Variants in TXNDC16 observed in about 807,000 individuals in gnomAD.
TXNDC16 encodes thioredoxin domain-containing protein 16.
Under a neutral mutation model 85.6 loss-of-function variants are expected in TXNDC16, and 74 were observed. The ratio of observed to expected loss-of-function variants is 0.86; its 90% CI spans 0.72 to 1.05. TXNDC16 has a LOEUF of 1.05. TXNDC16 is among the 50% of genes least tolerant of loss of function. The probability of loss-of-function intolerance (pLI) is 0.00; values close to 1 mark genes in which losing one functional copy is unlikely to be tolerated. For missense variants in TXNDC16, 959 were observed against 947.0 expected (o/e 1.01, Z -0.17); for synonymous variants, 335 against 326.5 (o/e 1.03, Z -0.28).
intron 1 of TXNDC16, among the ~76,000 whole-genome samples, chr14:52,548,107 A>G (rs1322985009): frequency 1.3e-5 from 2 of 152,246 alleles, no homozygotes; most frequent in Non-Finnish European, 2.9e-5. Context: ...TGTCAGCCCA[A>G]GTCCCAGAAA....
At chr14:52,485,587 G>A (rs1307749500) in intron 12 of TXNDC16, among the ~76,000 whole-genome samples, 1 of 152,222 alleles carries the variant, frequency 6.6e-6, no homozygotes, top group Non-Finnish European at 1.5e-5. Flanking sequence ...CTATACAAGT[G>A]TACCATTTTT....
rs201413163 is a variant in TXNDC16 at position 52,484,026 on chromosome 14, CAG to C, written c.1109-1063_1109-1062del. Reference sequence around the variant, plus strand: ...GTGGCATGTAAGAGCATGGTGCAATCAGAAGTTCAAACACTGACTGGATATAC... The same window carrying C: ...GTGGCATGTAAGAGCATGGTGCAATCAAGTTCAAACACTGACTGGATATAC... On this transcript the variant is annotated intron_variant, in intron 12 of 20. Transcript: ENST00000281741. Among the ~76,000 whole-genome samples the C allele has an allele frequency of 7.4e-3, 1,126 of 152,202 alleles. 7 individuals carry two copies. Among genetic ancestry groups the C allele is most frequent in the Non-Finnish European group, 0.012 (804 of 68,016 alleles).
intron 8 of TXNDC16, among the ~76,000 whole-genome samples, chr14:52,514,388 G>C (rs1432194661): frequency 6.6e-6 from 1 of 152,120 alleles, no homozygotes; most frequent in African/African-American, 2.4e-5. Context: ...TTAACCCTAG[G>C]TTGCCCAGCC....
intron 6 of TXNDC16, among the ~76,000 whole-genome samples, chr14:52,535,391 T>C (rs12435276): frequency 0.016 from 2,496 of 152,224 alleles, 30 homozygotes; most frequent in Non-Finnish European, 0.027. Flanking sequence ...TAAAGGCCTT[T>C]TGTTAACATA....
At chr14:52,487,930 G>C (rs540954826) in intron 12 of TXNDC16, among the ~76,000 whole-genome samples, 5 of 152,294 alleles carry the variant, frequency 3.3e-5, no homozygotes, top group African/African-American at 1.2e-4. Context: ...AAATGTTACT[G>C]AAATTTACTT....
At chr14:52,538,070 T>C (rs190872890) in intron 4 of TXNDC16, among the ~76,000 whole-genome samples, 44 of 152,304 alleles carry the variant, frequency 2.9e-4, no homozygotes, top group Admixed American at 1.3e-3. Context: ...TCCCTTTTGT[T>C]TACTAACAGA....
At chr14:52,510,799 A>G (rs2036936986) in intron 9 of TXNDC16, among the ~76,000 whole-genome samples, 2 of 152,218 alleles carry the variant, frequency 1.3e-5, no homozygotes, top group African/African-American at 4.8e-5. Flanking sequence ...AATGGTAAGG[A>G]AACTGGAGCA....
intron 18 of TXNDC16, among the ~76,000 whole-genome samples, chr14:52,449,642 T>C (rs2035362729): frequency 6.6e-6 from 1 of 152,238 alleles, no homozygotes; most frequent in South Asian, 2.1e-4. Flanking sequence ...TGGCTGCAGA[T>C]ACACATTCTT....
intron 18 of TXNDC16, among the ~76,000 whole-genome samples, chr14:52,446,567 A>G (rs568822839): frequency 6.6e-6 from 1 of 152,284 alleles, no homozygotes; most frequent in Non-Finnish European, 1.5e-5. Context: ...ATAGGCACAC[A>G]TGACCTACTG....
At chr14:52,529,845 A>G (rs1384867166) in intron 6 of TXNDC16, among the ~76,000 whole-genome samples, 50 of 90,396 alleles carry the variant, frequency 5.5e-4, no homozygotes, top group Middle Eastern at 0.015. Flanking sequence ...TATATATAAT[A>G]AATACCTATT....
At chr14:52,501,815 GTATTATTTAAGAACAAAAA>G (rs1301051594) in intron 9 of TXNDC16, among the ~76,000 whole-genome samples, 10 of 152,186 alleles carry the variant, frequency 6.6e-5, no homozygotes, top group African/African-American at 1.9e-4. Flanking sequence ...AACCTCAAAT[GTATTATTTAAGAACAAAAA>G]ACAACCTCAA....
chr14:52,518,194 C>A (rs138080113), intron 7 of TXNDC16, among the ~76,000 whole-genome samples: 10 of 152,314 alleles, frequency 6.6e-5, no homozygotes, highest in African/African-American at 2.4e-4. Context: ...TCAGTCTTCT[C>A]TTTTCCATCT....
At chr14:52,506,994 A>G (rs1194407992) in intron 9 of TXNDC16, among the ~76,000 whole-genome samples, 1 of 152,008 alleles carries the variant, frequency 6.6e-6, no homozygotes, top group Non-Finnish European at 1.5e-5. Context: ...TTCCCTTTGA[A>G]AACTGGCACA....
intron 9 of TXNDC16, among the ~76,000 whole-genome samples, chr14:52,510,681 A>C (rs1049202361): frequency 7.2e-5 from 11 of 152,232 alleles, no homozygotes; most frequent in Non-Finnish European, 5.9e-5. Flanking sequence ...ACTGAATGAG[A>C]ATATCTACTA....
intron 9 of TXNDC16, among the ~76,000 whole-genome samples, chr14:52,496,497 A>G (rs1490038869): frequency 1.3e-5 from 2 of 149,564 alleles, no homozygotes; most frequent in African/African-American, 4.9e-5. Flanking sequence ...CAAAATTTGG[A>G]GTATAAAGTA....
chr14:52,514,833 A>AG (rs1204669961), intron 8 of TXNDC16, 47 bp downstream of exon 8: 1 of 1,295,270 alleles, frequency 7.7e-7, no homozygotes, highest in Non-Finnish European at 1.1e-6. Flanking sequence ...TAAGTGAAGA[A>AG]GAAAAAAAAA....
intron 20 of TXNDC16, among the ~76,000 whole-genome samples, chr14:52,433,814 C>T (rs967277073): frequency 1.3e-5 from 2 of 152,142 alleles, no homozygotes; most frequent in African/African-American, 2.4e-5. Context: ...TTTTCTTGAA[C>T]ATAATGAACA....
At chr14:52,527,240 G>T (rs1229525994) in intron 6 of TXNDC16, among the ~76,000 whole-genome samples, 1 of 152,154 alleles carries the variant, frequency 6.6e-6, no homozygotes, top group Non-Finnish European at 1.5e-5. Flanking sequence ...TGGCATCTCA[G>T]GTAGGGGGCA....
intron 6 of TXNDC16, among the ~76,000 whole-genome samples, chr14:52,525,811 A>T (rs1332771063): frequency 6.6e-6 from 1 of 151,410 alleles, no homozygotes; most frequent in Admixed American, 6.6e-5. Flanking sequence ...CAGGGGATTG[A>T]TATCCAGGAT....
Sources: gnomAD v4.1 joint callset for allele counts (sites outside exome capture counted in the v4.1 genomes callset) on GRCh38, gnomAD v4.1.1 for gene constraint, MANE v1.5 for transcripts, NCBI Gene and HGNC (gene_info 2026-07-23, HGNC 2026-07-21) for gene names.